Variants in PRKAG2 observed in about 807,000 individuals in gnomAD.
PRKAG2 encodes protein kinase AMP-activated non-catalytic subunit gamma 2, also known as 5'-AMP-activated protein kinase subunit gamma-2.
PRKAG2 carries 26 observed loss-of-function variants against 69.6 expected under a neutral mutation model. The observed-to-expected ratio is 0.37, with a 90% CI of 0.27 to 0.52. The LOEUF (loss-of-function observed/expected upper bound fraction) is 0.52. Ranked by LOEUF, PRKAG2 falls within the 20% of genes least tolerant of loss-of-function variation. The probability of loss-of-function intolerance (pLI) is 0.90; values close to 1 mark genes in which losing one functional copy is unlikely to be tolerated. For synonymous variants in PRKAG2, 293 were observed against 285.0 expected (o/e 1.03, Z -0.28); for missense variants, 557 against 740.0 (o/e 0.75, Z 2.87).
At chr7:151,844,006 CT>C (rs2079371735) in intron 1 of PRKAG2, among the ~76,000 whole-genome samples, 1 of 152,250 alleles carries the variant, frequency 6.6e-6, no homozygotes, top group African/African-American at 2.4e-5. Context: ...CCTGGGCCTC[CT>C]GACTCCTGGC....
chr7:151,627,084 A>G (rs1823131534), intron 5 of PRKAG2, among the ~76,000 whole-genome samples: 1 of 152,214 alleles, frequency 6.6e-6, no homozygotes, highest in Non-Finnish European at 1.5e-5. Context: ...GAGAAAAAGC[A>G]AAAGATCACC....
chr7:151,564,890 C>CA (rs1241230370), intron 13 of PRKAG2, among the ~76,000 whole-genome samples: 2 of 151,930 alleles, frequency 1.3e-5, no homozygotes, highest in African/African-American at 4.8e-5. Flanking sequence ...AGTATTGTGG[C>CA]AAAAAATGGC....
intron 3 of PRKAG2, among the ~76,000 whole-genome samples, chr7:151,731,535 T>TGTGTGTGTGTGTGTGTGTGTGCGC (rs10689682): frequency 5.9e-5 from 9 of 151,698 alleles, no homozygotes; most frequent in African/African-American, 1.7e-4. Context: ...TGTGTGTGTG[T>TGTGTGTGTGTGTGTGTGTGTGCGC]GCGCACAGGT....
rs942029206 is a variant in PRKAG2 at position 151,790,580 on chromosome 7, C to T, written c.115-4039G>A. ...TGAATTAACTCCCCGACCAAGCACC[C>T]TCTTGCGCCTGCAGCAAGCATGGGG... On this transcript the variant is annotated intron_variant, in intron 1 of 15. Coordinates refer to ENST00000287878, the MANE Select transcript of PRKAG2 (RefSeq NM_016203.4). 5 of 152,264 alleles carry T rather than the reference C, an allele frequency of 3.3e-5. No homozygotes were observed. Among genetic ancestry groups the T allele is most frequent in the Admixed American group, 6.5e-5 (1 of 15,286 alleles). 9.4% of individuals were successfully genotyped at this position (152,264 alleles called of 1,614,324 possible). A position where few individuals can be genotyped will look rare whatever the true frequency, so the allele number is the denominator to read the frequency against.
At chr7:151,714,062 C>G (rs909479867) in intron 3 of PRKAG2, among the ~76,000 whole-genome samples, 2 of 152,084 alleles carry the variant, frequency 1.3e-5, no homozygotes. Context: ...TCACTGGTAG[C>G]GGTTAGATAA....
chr7:151,797,227 A>ACCCCCCCCCCCCCCCCCCC (rs55815832), intron 1 of PRKAG2, among the ~76,000 whole-genome samples: 1 of 132,854 alleles, frequency 7.5e-6, no homozygotes, highest in African/African-American at 2.9e-5. Flanking sequence ...GCTTCTTGCC[A>ACCCCCCCCCCCCCCCCCCC]CCCCCCCCAC....
At chr7:151,605,419 T>G (rs1049619078) in intron 5 of PRKAG2, among the ~76,000 whole-genome samples, 5 of 151,988 alleles carry the variant, frequency 3.3e-5, no homozygotes, top group Non-Finnish European at 7.4e-5. Context: ...TATAATAAAA[T>G]TTCTTTAAAA....
chr7:151,844,265 T>C (rs1222553290), intron 1 of PRKAG2, among the ~76,000 whole-genome samples: 1 of 152,182 alleles, frequency 6.6e-6, no homozygotes, highest in Non-Finnish European at 1.5e-5. Flanking sequence ...GGCCTCAGTG[T>C]ACTCTTCTGT....
Position 151,781,403 on chromosome 7 carries a change from G to A in PRKAG2, c.215C>T (p.Pro72Leu), listed in dbSNP as rs1430606754. Residue 72 changes from proline to leucine, a missense_variant, in exon 3 of 16, where the codon CCC (proline) becomes CTC (leucine). Pro to Leu is a moderately conservative substitution (Grantham distance 98). Transcript: ENST00000287878. The surrounding 1 kb of genome is among the most constrained non-coding windows in gnomAD (Gnocchi z 6.1). ...GCCTCTGGAGAAGAACCCTTTGGAGGGGCTGCCCGGGCCGAAGGGGCTGTC... is the reference window on the plus strand; with the variant it reads ...GCCTCTGGAGAAGAACCCTTTGGAGAGGCTGCCCGGGCCGAAGGGGCTGTC... ...KVDSPFGPGS[P>L]SKGFFSRGPQ... 6.2e-7 allele frequency: 1 copy of A among 1,610,610 alleles called. No individual in the cohort carries two copies. The highest frequency in any genetic ancestry group is 8.5e-7 in the Non-Finnish European group (1 of 1,178,754).
intron 5 of PRKAG2, among the ~76,000 whole-genome samples, chr7:151,626,341 G>T (rs1332373735): frequency 1.3e-5 from 2 of 152,278 alleles, no homozygotes; most frequent in African/African-American, 4.8e-5. Context: ...TGACTTCAGA[G>T]ATACTGAAAT....
intron 1 of PRKAG2, among the ~76,000 whole-genome samples, chr7:151,866,697 C>T (rs1406564987): frequency 6.6e-6 from 1 of 152,130 alleles, no homozygotes; most frequent in Non-Finnish European, 1.5e-5. Flanking sequence ...GCTTCAAGCC[C>T]ACCACCCCAT....
In PRKAG2 at chr7:151,828,320, C is replaced by T. The variant is rs1039464907; in HGVS notation, c.115-41779G>A. On this transcript the variant is annotated intron_variant, in intron 1 of 15. Transcript: ENST00000287878. This position sits in a 1 kb window ranked among gnomAD's most constrained non-coding sequence, Gnocchi z 4.6. ...CAAATCCTAGCCCAACAAGGGGTGA[C>T]GGCAGGACTCTCCCCGGATTCAGGT... Among the ~76,000 whole-genome samples, 7 of 152,158 alleles carry T rather than the reference C, an allele frequency of 4.6e-5. No individual in the cohort carries two copies. Among genetic ancestry groups the T allele is most frequent in the African/African-American group, 1.2e-4 (5 of 41,436 alleles).
At chr7:151,671,846 C>T (rs1398899883) in intron 4 of PRKAG2, among the ~76,000 whole-genome samples, 1 of 152,174 alleles carries the variant, frequency 6.6e-6, no homozygotes, top group East Asian at 1.9e-4. Context: ...ATCAGGTAAC[C>T]AATGGGGACA....
chr7:151,663,853 G>C (rs1265011000), intron 4 of PRKAG2, among the ~76,000 whole-genome samples: 1 of 152,210 alleles, frequency 6.6e-6, no homozygotes, highest in Non-Finnish European at 1.5e-5. Flanking sequence ...CTGGCTAGCA[G>C]TATAAAGGGA....
chr7:151,778,448 A>G (rs2076503013), intron 3 of PRKAG2, among the ~76,000 whole-genome samples: 1 of 152,196 alleles, frequency 6.6e-6, no homozygotes, highest in African/African-American at 2.4e-5. Flanking sequence ...TCTTCCCTTT[A>G]TAAATGACCC....
intron 5 of PRKAG2, among the ~76,000 whole-genome samples, chr7:151,611,075 G>A (rs2151216338): frequency 6.6e-6 from 1 of 152,204 alleles, no homozygotes; most frequent in Non-Finnish European, 1.5e-5. Flanking sequence ...ATTCAAAGTT[G>A]AGAAAATGGC....
intron 15 of PRKAG2, chr7:151,558,227 CCCT>C: frequency 1.0e-6 from 1 of 985,424 alleles, no homozygotes; most frequent in South Asian, 4.7e-5. Context: ...GAACCAGTAC[CCCT>C]CTGGGGAACG....
chr7:151,634,716 G>A (rs985882598), intron 4 of PRKAG2, among the ~76,000 whole-genome samples: 2 of 152,284 alleles, frequency 1.3e-5, no homozygotes, highest in Admixed American at 6.5e-5. Flanking sequence ...ACACAGAGCT[G>A]TTTCACCAAG....
At chr7:151,793,463 G>C (rs1358322145) in intron 1 of PRKAG2, among the ~76,000 whole-genome samples, 2 of 152,236 alleles carry the variant, frequency 1.3e-5, no homozygotes, top group African/African-American at 4.8e-5. Context: ...TGGGCTGTGG[G>C]ATCCAGCACC....
Sources: allele counts gnomAD v4.1 joint callset (sites outside exome capture counted in the v4.1 genomes callset), GRCh38; gene constraint gnomAD v4.1.1; non-coding constraint Gnocchi (gnomAD v3.1); transcripts MANE v1.5; gene names NCBI Gene and HGNC (gene_info 2026-07-23, HGNC 2026-07-21).